The following PCDHGB7 variants were observed in gnomAD, a reference collection of about 807,000 sequenced individuals.
PCDHGB7 encodes protocadherin gamma-B7.
A neutral mutation model predicts 61.4 loss-of-function variants in PCDHGB7; 37 were observed. The observed-to-expected ratio is 0.60, with a 90% CI of 0.46 to 0.79. The LOEUF (loss-of-function observed/expected upper bound fraction) is 0.79. Among genes scored for constraint, PCDHGB7 ranks in the 30% least tolerant of loss-of-function variants. The pLI, the probability that PCDHGB7 is intolerant of heterozygous loss-of-function variation, is 0.00. For missense variants in PCDHGB7, 1,166 were observed against 1,202.5 expected, an observed-to-expected ratio of 0.97 and a Z score of 0.45; for synonymous variants, 464 against 503.5, an observed-to-expected ratio of 0.92 and a Z score of 1.05.
At chr5:141,451,365 G>A (rs557753113) in intron 1 of PCDHGB7, among the ~76,000 whole-genome samples, 2 of 152,234 alleles carry the variant, frequency 1.3e-5, no homozygotes, top group South Asian at 4.1e-4. Context: ...GGATGGATCC[G>A]CTTCTAATCT....
chr5:141,501,304 C>T (rs1005430489), intron 2 of PCDHGB7, among the ~76,000 whole-genome samples: 104 of 151,340 alleles, frequency 6.9e-4, no homozygotes, highest in African/African-American at 2.2e-3. Flanking sequence ...CACACACACA[C>T]ACACACACAC....
chr5:141,455,928 C>T (rs1160778812), intron 1 of PCDHGB7, among the ~76,000 whole-genome samples: 3 of 151,158 alleles, frequency 2.0e-5, no homozygotes, highest in African/African-American at 4.9e-5. Context: ...GACGGAGTCT[C>T]GCTCTGTCGC....
intron 1 of PCDHGB7, among the ~76,000 whole-genome samples, chr5:141,438,615 TATATATATATATATATATATACACACAC>T (rs2098021754): frequency 1.1e-4 from 4 of 35,920 alleles, no homozygotes; most frequent in Non-Finnish European, 1.8e-4. Flanking sequence ...TATATATATA[TATATATATATATATATATATACACACAC>T]ACACACACAT....
intron 1 of PCDHGB7, among the ~76,000 whole-genome samples, chr5:141,455,130 A>G (rs1446894125): frequency 6.6e-6 from 1 of 150,872 alleles, no homozygotes; most frequent in South Asian, 2.1e-4. Flanking sequence ...GTTTTAAATT[A>G]CACTGTGTTA....
Position 141,476,855 on chromosome 5 carries a change from T to C in PCDHGB7, c.2416-17952T>C, listed in dbSNP as rs149491772. The C allele has an allele frequency of 3.2e-4, 519 of 1,613,836 alleles. 3 individuals carry two copies. The African/African-American group carries it at 6.2e-3, about 19-fold the overall frequency. Reference sequence around the variant, plus strand: ...TGACAATGCGCCTGTCTTCAACCAGTCCTTGTACCGGGCGCGCGTCCTGGA... The same window carrying C: ...TGACAATGCGCCTGTCTTCAACCAGCCCTTGTACCGGGCGCGCGTCCTGGA... On this transcript the variant is annotated intron_variant, in intron 1 of 3. Coordinates refer to ENST00000398594, the MANE Select transcript of PCDHGB7 (RefSeq NM_018927.4). This position sits in a 1 kb window ranked among gnomAD's most constrained non-coding sequence, Gnocchi z 7.6.
At position 141,430,919 on chromosome 5, in the gene PCDHGB7, C is replaced by A. The variant is rs377613499; in HGVS notation, c.2415+10645C>A. The A allele has an allele frequency of 6.2e-7, 1 of 1,607,492 alleles. No homozygotes were observed. Among genetic ancestry groups the A allele is most frequent in the Admixed American group, 1.7e-5 (1 of 58,806 alleles). The stretch of plus-strand genomic sequence containing the variant: ...GGGCGACATCTCCAGGGACCTGGGG[C>A]TGGAGCCCCGGGAGCTCGCGGAGCG... On this transcript the variant is annotated intron_variant, in intron 1 of 3. Transcript: ENST00000398594.
Position 141,476,144 on chromosome 5 carries a change from C to T in PCDHGB7, c.2416-18663C>T. ...GGTCCCAGAGGCCTGGAGGAGCGGA[C>T]TGGTAAGCACCGGGAGGGTAGTGGG... is the stretch of plus-strand genomic sequence containing the variant. On this transcript the variant is annotated intron_variant, in intron 1 of 3. Transcript: ENST00000398594. This position sits in a 1 kb window ranked among gnomAD's most constrained non-coding sequence, Gnocchi z 7.6. 6.2e-7 allele frequency: 1 copy of T among 1,610,510 alleles called. No individual in the cohort carries two copies. The highest frequency in any genetic ancestry group is 1.3e-5 in the African/African-American group (1 of 75,014).
chr5:141,418,693 T>G lies in PCDHGB7; in HGVS notation c.834T>G (p.Thr278=). 6.2e-7 allele frequency: 1 copy of G among 1,614,040 alleles called. No individual in the cohort carries two copies. Among genetic ancestry groups the G allele is most frequent in the Admixed American group, 1.7e-5 (1 of 60,030 alleles). ...ACGAGGGCATCAACTCAGAGATCACTTATTCCTTCTTTGGTGTGGCTGACA... is the reference window on the plus strand; with the variant it reads ...ACGAGGGCATCAACTCAGAGATCACGTATTCCTTCTTTGGTGTGGCTGACA... ...DQDEGINSEI[T]YSFFGVADKA... The change falls in exon 1 of 4, where the codon ACT becomes ACG. Residue 278 remains threonine (T), a synonymous_variant. Transcript: ENST00000398594.
chr5:141,444,470 C>T (rs1275997551), intron 1 of PCDHGB7, among the ~76,000 whole-genome samples: 2 of 152,058 alleles, frequency 1.3e-5, no homozygotes, highest in African/African-American at 2.4e-5. Flanking sequence ...TGCGCCCGGT[C>T]GCGTACTGGA....
chr5:141,419,694 G>T lies in PCDHGB7; in HGVS notation c.1835G>T (p.Ser612Ile). Residue 612 changes from serine to isoleucine, a missense_variant, in exon 1 of 4, where the codon AGT becomes ATT. By Grantham distance (142) the Ser-to-Ile change is moderately radical. Coordinates refer to ENST00000398594, the MANE Select transcript of PCDHGB7 (RefSeq NM_018927.4). ...CTGTCCTACCACGTGGTGCAGGCCA[G>T]TGAGCCCGGGCTCTTCAGCCTGGGG... ...AWLSYHVVQA[S>I]EPGLFSLGLR... is the part of the protein sequence containing the mutation. The T allele has an allele frequency of 1.2e-6, 2 of 1,612,974 alleles. No individual in the cohort carries two copies. The highest frequency in any genetic ancestry group is 1.1e-5 in the South Asian group (1 of 91,052).
rs1000775080 is a variant in PCDHGB7 at position 141,487,567 on chromosome 5, G to C, written c.2416-7240G>C. 2 of 1,614,168 alleles carry C rather than the reference G, an allele frequency of 1.2e-6. No individual in the cohort carries two copies. The highest frequency in any genetic ancestry group is 1.7e-6 in the Non-Finnish European group (2 of 1,180,036). ...CACCCAGTGCACCTATGGCAGGGGA[G>C]CCTGTTCGCCCAAGCTGCCCACCCT... On this transcript the variant is annotated intron_variant, in intron 1 of 3. Coordinates refer to ENST00000398594, the MANE Select transcript of PCDHGB7 (RefSeq NM_018927.4). The surrounding 1 kb of genome is among the most constrained non-coding windows in gnomAD (Gnocchi z 5.0).
intron 2 of PCDHGB7, among the ~76,000 whole-genome samples, chr5:141,501,136 G>A (rs909142955): frequency 6.6e-6 from 1 of 152,090 alleles, no homozygotes; most frequent in Non-Finnish European, 1.5e-5. Context: ...CTAAGTGCTG[G>A]GATTACAGGT....
intron 1 of PCDHGB7, chr5:141,428,062 A>G: frequency 6.2e-7 from 1 of 1,609,084 alleles, no homozygotes; most frequent in African/African-American, 1.3e-5. Flanking sequence ...GTGGCGGTGG[A>G]CGCAGATTCG....
intron 1 of PCDHGB7, chr5:141,423,105 G>C (rs1480411428): frequency 1.9e-6 from 3 of 1,613,920 alleles, no homozygotes; most frequent in East Asian, 4.5e-5. Flanking sequence ...ACACGGGCGA[G>C]GTGCGTACAG....
intron 1 of PCDHGB7, chr5:141,422,092 G>T: frequency 6.2e-7 from 1 of 1,611,520 alleles, no homozygotes; most frequent in Non-Finnish European, 8.5e-7. Context: ...GGAAAGCAAG[G>T]CTTCTGAAAT....
At position 141,423,201 on chromosome 5, in the gene PCDHGB7, C is replaced by T. The variant is rs749613139; in HGVS notation, c.2415+2927C>T. 24 of 1,613,628 alleles carry T rather than the reference C, an allele frequency of 1.5e-5. No homozygotes were observed. The South Asian group carries it at 1.5e-4, about 10-fold the overall frequency. ...ACGGCCAGCCCCCTCTCTCGGCCAC[C>T]GTCACGCTCACCGTGGCTGTGGCCG... On this transcript the variant is annotated intron_variant, in intron 1 of 3. Coordinates refer to ENST00000398594, the MANE Select transcript of PCDHGB7 (RefSeq NM_018927.4).
At chr5:141,488,020 T>C (rs985558790) in intron 1 of PCDHGB7, among the ~76,000 whole-genome samples, 3 of 152,174 alleles carry the variant, frequency 2.0e-5, no homozygotes, top group African/African-American at 7.2e-5. Context: ...GTACCTTAAC[T>C]CTAGGTTACC....
At position 141,432,204 on chromosome 5, in the gene PCDHGB7, A is replaced by G. The variant is rs1204867610; in HGVS notation, c.2415+11930A>G. On this transcript the variant is annotated intron_variant, in intron 1 of 3. Coordinates refer to ENST00000398594, the MANE Select transcript of PCDHGB7 (RefSeq NM_018927.4). This position sits in a 1 kb window ranked among gnomAD's most constrained non-coding sequence, Gnocchi z 6.0. ...GTGACCGCCCACGACCCCGACTGTG[A>G]AGAGAACGCCCAGATCACTTATTCC... 1.9e-6 allele frequency: 3 copies of G among 1,614,070 alleles called. No homozygotes were observed. Among genetic ancestry groups the G allele is most frequent in the African/African-American group, 2.7e-5 (2 of 74,928 alleles).
chr5:141,489,944 T>C lies in PCDHGB7; in HGVS notation c.2416-4863T>C. On this transcript the variant is annotated intron_variant, in intron 1 of 3. Coordinates refer to ENST00000398594, the MANE Select transcript of PCDHGB7 (RefSeq NM_018927.4). The surrounding 1 kb of genome is among the most constrained non-coding windows in gnomAD (Gnocchi z 4.5). Reference sequence around the variant, plus strand: ...CTTATCTCTGTCATCGTGCTGGACATCAATGATAATGCTCCAACCTTCCAA... The same window carrying C: ...CTTATCTCTGTCATCGTGCTGGACACCAATGATAATGCTCCAACCTTCCAA... 6.2e-7 allele frequency: 1 copy of C among 1,614,172 alleles called. No homozygotes were observed. Among genetic ancestry groups the C allele is most frequent in the Non-Finnish European group, 8.5e-7 (1 of 1,180,010 alleles).
Sources: allele counts gnomAD v4.1 joint callset (sites outside exome capture counted in the v4.1 genomes callset), GRCh38; gene constraint gnomAD v4.1.1; non-coding constraint Gnocchi (gnomAD v3.1); transcripts MANE v1.5; gene names NCBI Gene and HGNC (gene_info 2026-07-23, HGNC 2026-07-21).